The following RHAG variants were observed in gnomAD, a reference collection of about 807,000 sequenced individuals.
RHAG encodes ammonium transporter Rh type A.
RHAG carries 25 observed loss-of-function variants against 42.4 expected under a neutral mutation model. The observed-to-expected ratio is 0.59, with a 90% CI of 0.43 to 0.82. The LOEUF is 0.82. Among genes scored for constraint, RHAG ranks in the 40% least tolerant of loss-of-function variants. The pLI is 0.00. For synonymous variants in RHAG, 182 were observed against 177.7 expected, an observed-to-expected ratio of 1.02 and a Z score of -0.19; for missense variants, 483 against 504.6, an observed-to-expected ratio of 0.96 and a Z score of 0.41.
Position 49,636,713 on chromosome 6 carries a change from C to G in RHAG, c.100G>C (p.Glu34Gln), listed in dbSNP as rs1200032295. ...VEYETDQTVL[E>Q]QLNITKPTDM... ...GTTGGCTTGGTGATGTTGAGCTGCT[C>G]GAGAACAGTCTGGTCCGTTTCATAC... The change falls in exon 1 of 10, where the codon GAG becomes CAG. Residue 34 changes from glutamate (E) to glutamine (Q), a missense_variant. By Grantham distance (29) the Glu-to-Gln change is conservative. Coordinates refer to ENST00000371175, the MANE Select transcript of RHAG (RefSeq NM_000324.3). 6.2e-7 allele frequency: 1 copy of G among 1,613,934 alleles called. No homozygotes were observed. Among genetic ancestry groups the G allele is most frequent in the Non-Finnish European group, 8.5e-7 (1 of 1,179,862 alleles).
At position 49,607,159 on chromosome 6, in the gene RHAG, G is replaced by A; in HGVS notation, c.1129C>T (p.Leu377=). The A allele has an allele frequency of 6.2e-7, 1 of 1,613,128 alleles. No homozygotes were observed. The highest frequency in any genetic ancestry group is 8.5e-7 in the Non-Finnish European group (1 of 1,179,274). ...SSIGTAVVGG[L]MTGLILKLPL... ...CACTTTTTATGCTGACCTGTCATCA[G>A]ACCTCCAACAACTGCTGTTCCGATA... is the stretch of plus-strand genomic sequence containing the variant. The change falls in exon 8 of 10, where the codon CTG becomes TTG. Residue 377 remains leucine, a synonymous_variant. Coordinates refer to ENST00000371175, the MANE Select transcript of RHAG (RefSeq NM_000324.3).
chr6:49,610,272 T>TTTCTTAA (rs1219641068), intron 7 of RHAG, among the ~76,000 whole-genome samples: 2 of 152,210 alleles, frequency 1.3e-5, no homozygotes, highest in Non-Finnish European at 2.9e-5. Context: ...TTTTTCTTAA[T>TTTCTTAA]TTACTCTGTG....
At chr6:49,613,656 A>G (rs1331313816) in intron 5 of RHAG, among the ~76,000 whole-genome samples, 1 of 152,088 alleles carries the variant, frequency 6.6e-6, no homozygotes, top group Non-Finnish European at 1.5e-5. Flanking sequence ...TTACTCCTTT[A>G]CTGGTGTTTC....
chr6:49,636,398 T>G (rs568715945), intron 1 of RHAG, among the ~76,000 whole-genome samples: 6 of 152,178 alleles, frequency 3.9e-5, no homozygotes, highest in Non-Finnish European at 8.8e-5. Context: ...TAGCAGTAGA[T>G]AAGCAATACA....
chr6:49,624,811 G>C (rs188523541), intron 1 of RHAG, among the ~76,000 whole-genome samples: 25 of 152,242 alleles, frequency 1.6e-4, no homozygotes, highest in Non-Finnish European at 2.9e-4. Flanking sequence ...TGTATATTAA[G>C]GACTATCACA....
intron 1 of RHAG, among the ~76,000 whole-genome samples, chr6:49,632,905 G>T (rs1762954579): frequency 6.6e-6 from 1 of 152,126 alleles, no homozygotes; most frequent in African/African-American, 2.4e-5. Flanking sequence ...TCAACAGGGT[G>T]ACCAGCACTT....
intron 2 of RHAG, 108 bp from the exon 3 acceptor site, chr6:49,618,326 T>C: frequency 8.8e-7 from 1 of 1,137,954 alleles, no homozygotes. Context: ...CCAGGCTTAC[T>C]CATCATCTCC....
At chr6:49,612,586 A>C (rs1175614208) in intron 5 of RHAG, 52 bp from the exon 6 acceptor site, 4 of 1,607,048 alleles carry the variant, frequency 2.5e-6, no homozygotes, top group Non-Finnish European at 3.4e-6. Context: ...TGGAGAATTC[A>C]GAAGGATCAG....
In RHAG at chr6:49,619,222, T is replaced by C. The variant is rs1425729601; in HGVS notation, c.298A>G (p.Ile100Val). The change falls in exon 2 of 10, where the codon ATC becomes GTC. Residue 100 changes from isoleucine (I) to valine (V), a missense_variant. Ile to Val is a conservative substitution (Grantham distance 29, BLOSUM62 3). Transcript: ENST00000371175. ...GLQWGTIVQG[I>V]LQSQGQKFNI... ...AATTTCTGTCCCTGGCTTTGCAGGA[T>C]TCCCTGTACAATAGTGCCCCACTGG... The C allele has an allele frequency of 1.2e-6, 2 of 1,614,136 alleles. No homozygotes were observed. Among genetic ancestry groups the C allele is most frequent in the Non-Finnish European group, 1.7e-6 (2 of 1,179,996 alleles).
intron 1 of RHAG, among the ~76,000 whole-genome samples, chr6:49,633,471 A>G (rs1762963633): frequency 6.6e-6 from 1 of 152,160 alleles, no homozygotes; most frequent in African/African-American, 2.4e-5. Flanking sequence ...TGTATATAAC[A>G]CCTCAGTCAT....
intron 5 of RHAG, 37 bp from the exon 6 acceptor site, chr6:49,612,571 G>A: frequency 6.2e-7 from 1 of 1,613,082 alleles, no homozygotes; most frequent in South Asian, 1.1e-5. Context: ...AGGTGAGCTG[G>A]ATGATGGAGA....
chr6:49,636,575 G>A (rs1033768138), intron 1 of RHAG, 81 bp downstream of exon 1: 16 of 1,377,556 alleles, frequency 1.2e-5, no homozygotes, highest in Admixed American at 1.0e-4. Context: ...GAGCTCAAGG[G>A]TTTATAGTAT....
chr6:49,614,908 G>A, intron 4 of RHAG, 55 bp from the exon 5 acceptor site: 2 of 1,485,690 alleles, frequency 1.3e-6, no homozygotes, highest in South Asian at 2.3e-5. Context: ...ACAGTCCAGA[G>A]GATGCAGTTT....
At chr6:49,623,423 A>G (rs564570238) in intron 1 of RHAG, among the ~76,000 whole-genome samples, 34 of 152,300 alleles carry the variant, frequency 2.2e-4, no homozygotes, top group African/African-American at 8.2e-4. Context: ...GAGGGCCACA[A>G]CTATAGTTGT....
chr6:49,610,386 T>G (rs1190229299), intron 7 of RHAG, among the ~76,000 whole-genome samples: 1 of 152,238 alleles, frequency 6.6e-6, no homozygotes, highest in Non-Finnish European at 1.5e-5. Context: ...GTTTGCTTGA[T>G]AGTTGTTTTT....
chr6:49,609,592 G>A (rs1370796244), intron 7 of RHAG, among the ~76,000 whole-genome samples: 1 of 152,148 alleles, frequency 6.6e-6, no homozygotes, highest in Non-Finnish European at 1.5e-5. Flanking sequence ...GCATATTCTG[G>A]AGCTGTCTTC....
At chr6:49,616,160 T>C (rs1220557239) in intron 3 of RHAG, among the ~76,000 whole-genome samples, 1 of 152,130 alleles carries the variant, frequency 6.6e-6, no homozygotes, top group African/African-American at 2.4e-5. Flanking sequence ...GCAAGGTTGC[T>C]TCTCTAGGTG....
chr6:49,619,402 G>A, intron 1 of RHAG, 40 bp from the exon 2 acceptor site: 2 of 1,566,426 alleles, frequency 1.3e-6, no homozygotes, highest in Admixed American at 1.8e-5. Flanking sequence ...CATTATGAGA[G>A]CATGAAGAAA....
intron 9 of RHAG, among the ~76,000 whole-genome samples, chr6:49,606,116 T>C (rs1429826797): frequency 6.6e-6 from 1 of 152,168 alleles, no homozygotes; most frequent in Non-Finnish European, 1.5e-5. Context: ...AAAGTATCAA[T>C]AGAGTAAAGA....
Sources: allele counts gnomAD v4.1 joint callset (sites outside exome capture counted in the v4.1 genomes callset), GRCh38; gene constraint gnomAD v4.1.1; transcripts MANE v1.5; gene names NCBI Gene and HGNC (gene_info 2026-07-23, HGNC 2026-07-21).